Variants in MCPH1 observed in about 807,000 individuals in gnomAD.
The protein encoded by MCPH1 is microcephalin 1.
Under a neutral mutation model 84.5 loss-of-function variants are expected in MCPH1, and 104 were observed. That is an observed-to-expected ratio of 1.23 (90% confidence interval 1.05 to 1.45). MCPH1 has a LOEUF of 1.45. Among genes scored for constraint, MCPH1 ranks in the 40% most tolerant of loss-of-function variants. MCPH1 has a pLI of 0.00. For missense variants in MCPH1, 1,498 were observed against 1,005.7 expected, an observed-to-expected ratio of 1.49 and a Z score of -6.62; for synonymous variants, 514 against 366.8, an observed-to-expected ratio of 1.40 and a Z score of -4.58.
chr8:6,575,363 C>G (rs1011069558), intron 12 of MCPH1, among the ~76,000 whole-genome samples: 1 of 152,122 alleles, frequency 6.6e-6, no homozygotes, highest in African/African-American at 2.4e-5. Context: ...ATGAGGGACC[C>G]TTGGCCACGG....
At chr8:6,466,257 C>T (rs558446303) in intron 9 of MCPH1, among the ~76,000 whole-genome samples, 2 of 151,816 alleles carry the variant, frequency 1.3e-5, no homozygotes, top group South Asian at 4.2e-4. Flanking sequence ...CTGCCTCAGC[C>T]TCCTGAGTAG....
At chr8:6,612,376 G>A (rs1830358965) in intron 12 of MCPH1, among the ~76,000 whole-genome samples, 2 of 152,136 alleles carry the variant, frequency 1.3e-5, no homozygotes, top group Admixed American at 1.3e-4. Context: ...TTCTGCCCCA[G>A]CTGGAGAGTT....
intron 12 of MCPH1, among the ~76,000 whole-genome samples, chr8:6,565,997 C>G (rs1378414668): frequency 6.6e-6 from 1 of 152,174 alleles, no homozygotes; most frequent in African/African-American, 2.4e-5. Flanking sequence ...TGTCCAGTGT[C>G]AGATGGTAAT....
chr8:6,626,933 A>G (rs963374973), intron 13 of MCPH1: 15 of 985,282 alleles, frequency 1.5e-5, no homozygotes, highest in Non-Finnish European at 1.7e-5. Context: ...GTGATAAGAC[A>G]TACATTTATG....
intron 11 of MCPH1, 41 bp downstream of exon 11, chr8:6,480,917 T>C: frequency 1.9e-6 from 3 of 1,608,036 alleles, no homozygotes; most frequent in Non-Finnish European, 2.5e-6. Flanking sequence ...AAACAAGGCA[T>C]TTTGATAGAG....
chr8:6,494,164 C>G (rs952625534), intron 11 of MCPH1: 11 of 152,084 alleles, frequency 7.2e-5, no homozygotes, highest in Admixed American at 5.9e-4. Context: ...GTCTCAAACT[C>G]CTGACCTCAA....
chr8:6,450,792 G>C (rs755466823), intron 8 of MCPH1, among the ~76,000 whole-genome samples: 44 of 151,950 alleles, frequency 2.9e-4, no homozygotes, highest in Admixed American at 2.0e-3. Context: ...ACCCAAATTG[G>C]AGTGCAGTGA....
At chr8:6,449,861 A>T (rs1804887820) in intron 8 of MCPH1, among the ~76,000 whole-genome samples, 1 of 152,118 alleles carries the variant, frequency 6.6e-6, no homozygotes, top group Non-Finnish European at 1.5e-5. Flanking sequence ...CAACCACCGA[A>T]AGTCAGTTTG....
intron 12 of MCPH1, among the ~76,000 whole-genome samples, chr8:6,619,869 C>T (rs966807123): frequency 2.0e-5 from 3 of 152,222 alleles, no homozygotes; most frequent in African/African-American, 7.2e-5. Context: ...CAGGTGTGAG[C>T]CACCGTGCCC....
chr8:6,629,836 C>A (rs1276639603), intron 13 of MCPH1, among the ~76,000 whole-genome samples: 1 of 152,210 alleles, frequency 6.6e-6, no homozygotes, highest in Admixed American at 6.5e-5. Flanking sequence ...AGACCCAGAA[C>A]CCCAGTCCTG....
chr8:6,634,768 A>G (rs1797422043), intron 13 of MCPH1: 2 of 152,362 alleles, frequency 1.3e-5, no homozygotes, highest in South Asian at 4.1e-4. Context: ...TCCAGCTGAA[A>G]TTCTCATCAA....
chr8:6,414,400 A>AT (rs1798962733), intron 2 of MCPH1, among the ~76,000 whole-genome samples: 1 of 152,130 alleles, frequency 6.6e-6, no homozygotes, highest in South Asian at 2.1e-4. Flanking sequence ...ATTTGGTTTT[A>AT]TTTTTTTGAT....
At chr8:6,622,069 G>A (rs369008879) in intron 13 of MCPH1, 115 of 357,628 alleles carry the variant, frequency 3.2e-4, no homozygotes, top group East Asian at 2.0e-3. Context: ...CCCTGGCAGC[G>A]CCCGGCACTG....
intron 2 of MCPH1, 120 bp from the exon 3 acceptor site, chr8:6,414,645 G>C: frequency 1.9e-6 from 2 of 1,046,230 alleles, no homozygotes; most frequent in Non-Finnish European, 2.8e-6. Flanking sequence ...GCATTCCTTT[G>C]AGTGTTTCTC....
chr8:6,621,346 T>G lies in MCPH1; in HGVS notation c.2215-108T>G. 3.0e-6 allele frequency: 4 copies of G among 1,351,704 alleles called. No homozygotes were observed. The Admixed American group carries it at 5.1e-5, about 17-fold the overall frequency. The allele number at this position is 1,351,704 out of a possible 1,614,324, so 83.7% of individuals were successfully genotyped here. ...TTCACAGGAGCATGGCAGCCTTACATTCAGTCTATTCTTTTCATAAAAAAG... is the reference window on the plus strand; with the variant it reads ...TTCACAGGAGCATGGCAGCCTTACAGTCAGTCTATTCTTTTCATAAAAAAG... On this transcript the variant is annotated intron_variant, in intron 12 of 13. Coordinates refer to ENST00000344683, the MANE Select transcript of MCPH1 (RefSeq NM_024596.5).
At chr8:6,595,821 A>G (rs982926874) in intron 12 of MCPH1, among the ~76,000 whole-genome samples, 1 of 152,310 alleles carries the variant, frequency 6.6e-6, no homozygotes, top group South Asian at 2.1e-4. Context: ...AATAGATGGT[A>G]ATAGAGTCAG....
At chr8:6,424,165 G>T (rs1800697623) in intron 3 of MCPH1, among the ~76,000 whole-genome samples, 1 of 152,122 alleles carries the variant, frequency 6.6e-6, no homozygotes, top group Admixed American at 6.5e-5. Flanking sequence ...ATAAAATTCT[G>T]ACATTTCCTT....
chr8:6,415,410 C>T (rs956542669), intron 3 of MCPH1, among the ~76,000 whole-genome samples: 7 of 151,888 alleles, frequency 4.6e-5, no homozygotes, highest in Admixed American at 2.6e-4. Flanking sequence ...GCCTCAGCCT[C>T]CCAAGTAGCT....
At chr8:6,459,668 T>G (rs1291502180) in intron 9 of MCPH1, among the ~76,000 whole-genome samples, 1 of 152,208 alleles carries the variant, frequency 6.6e-6, no homozygotes, top group Admixed American at 6.5e-5. Flanking sequence ...ACATGCTATT[T>G]CTGTAGTGAG....
Sources: allele counts gnomAD v4.1 joint callset (sites outside exome capture counted in the v4.1 genomes callset), GRCh38; gene constraint gnomAD v4.1.1; transcripts MANE v1.5; gene names NCBI Gene and HGNC (gene_info 2026-07-23, HGNC 2026-07-21).